The following STAC variants were observed in gnomAD, a reference collection of about 807,000 sequenced individuals.
STAC encodes SH3 and cysteine-rich domain-containing protein.
Under a neutral mutation model 48.8 loss-of-function variants are expected in STAC, and 43 were observed. The ratio of observed to expected loss-of-function variants is 0.88; its 90% CI spans 0.69 to 1.14. STAC has a LOEUF of 1.14. Ranked by LOEUF, STAC falls within the 50% of genes most tolerant of loss-of-function variation. The pLI is 0.00. For synonymous variants in STAC, 193 were observed against 179.5 expected, an observed-to-expected ratio of 1.07 and a Z score of -0.60; for missense variants, 497 against 504.0, an observed-to-expected ratio of 0.99 and a Z score of 0.13.
intron 2 of STAC, among the ~76,000 whole-genome samples, chr3:36,471,535 C>T (rs983390664): frequency 5.9e-5 from 9 of 152,198 alleles, no homozygotes; most frequent in East Asian, 1.9e-4. Flanking sequence ...AAGTCCCTTC[C>T]GCCTATGAGC....
At chr3:36,535,571 C>A (rs1417529390) in intron 10 of STAC, among the ~76,000 whole-genome samples, 1 of 152,144 alleles carries the variant, frequency 6.6e-6, no homozygotes, top group Non-Finnish European at 1.5e-5. Flanking sequence ...ATGCTTCCAG[C>A]TTTTGCCCAT....
chr3:36,477,552 T>A (rs2125695865), intron 2 of STAC, among the ~76,000 whole-genome samples: 1 of 152,310 alleles, frequency 6.6e-6, no homozygotes, highest in East Asian at 1.9e-4. Context: ...AGCTTTTCAA[T>A]ATTTTCTTCC....
chr3:36,537,303 T>C lies in STAC; in HGVS notation c.1110+8318T>C, dbSNP rs149837168. 1.8e-4 allele frequency among the ~76,000 whole-genome samples: 27 copies of C among 152,178 alleles called. No individual in the cohort carries two copies. The East Asian group carries it at 4.6e-3, about 26-fold the overall frequency. On this transcript the variant is annotated intron_variant, in intron 10 of 10. Transcript: ENST00000273183. ...GACATGGAATCAACCCAAATGCCCATCAATGAAAGACTGAATAAAGAAAAT... is the reference window on the plus strand; with the variant it reads ...GACATGGAATCAACCCAAATGCCCACCAATGAAAGACTGAATAAAGAAAAT...
At chr3:36,494,100 C>T (rs1024094310) in intron 6 of STAC, among the ~76,000 whole-genome samples, 39 of 138,412 alleles carry the variant, frequency 2.8e-4, no homozygotes, top group African/African-American at 9.7e-4. Context: ...TGCAGTGAGC[C>T]GAGATCGCGC....
At chr3:36,411,280 A>T (rs1700189178) in intron 1 of STAC, among the ~76,000 whole-genome samples, 1 of 152,228 alleles carries the variant, frequency 6.6e-6, no homozygotes, top group African/African-American at 2.4e-5. Flanking sequence ...GTCATAAGTC[A>T]GTACAAATCT....
At chr3:36,535,684 G>A (rs562360579) in intron 10 of STAC, among the ~76,000 whole-genome samples, 28 of 152,274 alleles carry the variant, frequency 1.8e-4, no homozygotes, top group South Asian at 4.1e-4. Context: ...ATGAATGGAC[G>A]TTGAAATTTA....
At chr3:36,425,274 G>A (rs1700537642) in intron 1 of STAC, among the ~76,000 whole-genome samples, 1 of 152,152 alleles carries the variant, frequency 6.6e-6, no homozygotes, top group African/African-American at 2.4e-5. Flanking sequence ...ACCAAGAAGA[G>A]CATATCGCTT....
At chr3:36,427,601 C>A (rs1419510572) in intron 1 of STAC, among the ~76,000 whole-genome samples, 2 of 152,146 alleles carry the variant, frequency 1.3e-5, no homozygotes, top group Non-Finnish European at 2.9e-5. Context: ...TCTAGATTCA[C>A]CAGATTCACT....
intron 2 of STAC, among the ~76,000 whole-genome samples, chr3:36,456,598 C>T (rs1386213305): frequency 6.6e-6 from 1 of 152,088 alleles, no homozygotes; most frequent in Admixed American, 6.5e-5. Flanking sequence ...ACATCAACTG[C>T]CAGAAGTTTG....
rs1384522039 is a variant in STAC at position 36,453,793 on chromosome 3, T to G, written c.388+10153T>G. ...AGTCTGGTGGGGACGTGGAGAACCT[T>G]TATGTCTGGCTAGGGGATTGTAAAC... On this transcript the variant is annotated intron_variant, in intron 2 of 10. Transcript: ENST00000273183. 1.5e-4 allele frequency among the ~76,000 whole-genome samples: 4 copies of G among 27,528 alleles called. 1 individual carries two copies. In the East Asian group the frequency reaches 3.1e-3, roughly 21 times the overall value. The allele number at this position is 27,528 out of a possible 152,430, so 18.1% of individuals were successfully genotyped here. A position where few individuals can be genotyped will look rare whatever the true frequency, so the allele number is the denominator to read the frequency against.
intron 1 of STAC, among the ~76,000 whole-genome samples, chr3:36,420,067 G>A (rs940726659): frequency 6.6e-6 from 1 of 151,984 alleles, no homozygotes; most frequent in Non-Finnish European, 1.5e-5. Context: ...ATATACTAAT[G>A]GCTACTTTTA....
chr3:36,412,869 G>A (rs931339614), intron 1 of STAC, among the ~76,000 whole-genome samples: 3 of 152,082 alleles, frequency 2.0e-5, no homozygotes, highest in Non-Finnish European at 4.4e-5. Context: ...TTTCTAAATA[G>A]ACTTAATCCA....
chr3:36,465,817 A>G (rs776406872), intron 2 of STAC, among the ~76,000 whole-genome samples: 18 of 151,928 alleles, frequency 1.2e-4, no homozygotes, highest in African/African-American at 1.7e-4. Context: ...CTCTTTTACA[A>G]ATTTTTCTGC....
chr3:36,482,183 T>C (rs903551912), intron 2 of STAC, among the ~76,000 whole-genome samples: 2 of 152,174 alleles, frequency 1.3e-5, no homozygotes, highest in Non-Finnish European at 2.9e-5. Context: ...ACACCCATTT[T>C]AACATCCGTC....
chr3:36,496,988 G>A (rs916113151), intron 6 of STAC, among the ~76,000 whole-genome samples: 4 of 151,506 alleles, frequency 2.6e-5, no homozygotes, highest in Middle Eastern at 3.4e-3. Context: ...TTACAAAATC[G>A]AATATTACCT....
rs1321904106 is a variant in STAC, at chr3:36,432,346, A to G, written c.112-11018A>G. ...AAGCCATTCTGACCCCAAAGTCTTC[A>G]CTGTGTCTCTTCCTCAGGTATGAAA... On this transcript the variant is annotated intron_variant, in intron 1 of 10. Transcript: ENST00000273183. Among the ~76,000 whole-genome samples, 4 of 152,340 alleles carry G rather than the reference A, an allele frequency of 2.6e-5. No individual in the cohort carries two copies. The East Asian group carries it at 5.8e-4, about 22-fold the overall frequency.
At chr3:36,497,090 T>C (rs1698168429) in intron 6 of STAC, among the ~76,000 whole-genome samples, 1 of 152,042 alleles carries the variant, frequency 6.6e-6, no homozygotes, top group Non-Finnish European at 1.5e-5. Context: ...ACTAATTCAA[T>C]ATCTCAAATT....
At chr3:36,408,100 T>A (rs1408745901) in intron 1 of STAC, among the ~76,000 whole-genome samples, 5 of 152,204 alleles carry the variant, frequency 3.3e-5, no homozygotes, top group Non-Finnish European at 7.3e-5. Context: ...AACAGGATAG[T>A]CTCACTCCAG....
chr3:36,426,040 A>AAAAAC (rs371899613), intron 1 of STAC, among the ~76,000 whole-genome samples: 8,201 of 151,982 alleles, frequency 0.054, 322 homozygotes, highest in Non-Finnish European at 0.079. Flanking sequence ...TCAAAAAACA[A>AAAAAC]AAAACAAAAC....
Sources: gnomAD v4.1 joint callset for allele counts (sites outside exome capture counted in the v4.1 genomes callset) on GRCh38, gnomAD v4.1.1 for gene constraint, MANE v1.5 for transcripts, NCBI Gene and HGNC (gene_info 2026-07-23, HGNC 2026-07-21) for gene names.